RASGRF2: variants seen among roughly 807,000 people sequenced by gnomAD.
RASGRF2 encodes the protein Ras protein specific guanine nucleotide releasing factor 2.
RASGRF2 carries 76 observed loss-of-function variants against 151.0 expected under a neutral mutation model. That is an observed-to-expected ratio of 0.50 (90% CI 0.42 to 0.61). RASGRF2 has a LOEUF of 0.61. Among genes scored for constraint, RASGRF2 ranks in the 20% least tolerant of loss-of-function variants. The pLI, the probability that RASGRF2 is intolerant of heterozygous loss-of-function variation, is 0.00. For synonymous variants in RASGRF2, 504 were observed against 566.5 expected (o/e 0.89, Z 1.57); for missense variants, 1,148 against 1,564.6 (o/e 0.73, Z 4.49).
intron 2 of RASGRF2, among the ~76,000 whole-genome samples, chr5:81,063,809 G>A (rs1274185832): frequency 2.0e-5 from 3 of 151,696 alleles, no homozygotes; most frequent in Non-Finnish European, 2.9e-5. Context: ...TTCCAAGAAC[G>A]CTTTTTTAAA....
chr5:81,141,587 A>C (rs559347289), intron 17 of RASGRF2, among the ~76,000 whole-genome samples: 1 of 152,266 alleles, frequency 6.6e-6, no homozygotes, highest in East Asian at 1.9e-4. Context: ...AACTTCAAAA[A>C]CAGCAAGAGC....
intron 18 of RASGRF2, among the ~76,000 whole-genome samples, chr5:81,188,857 T>A (rs903607171): frequency 2.0e-5 from 3 of 152,170 alleles, no homozygotes; most frequent in Admixed American, 1.3e-4. Flanking sequence ...GAACCCCCAA[T>A]CTTGCAGCCT....
At chr5:81,166,162 T>C (rs1449599324) in intron 17 of RASGRF2, among the ~76,000 whole-genome samples, 1 of 152,064 alleles carries the variant, frequency 6.6e-6, no homozygotes, top group African/African-American at 2.4e-5. Flanking sequence ...AGTAAAGTGA[T>C]ACTTTACTTC....
chr5:81,182,965 C>T (rs529308281), intron 18 of RASGRF2, among the ~76,000 whole-genome samples: 136 of 152,328 alleles, frequency 8.9e-4, no homozygotes, highest in African/African-American at 3.2e-3. Flanking sequence ...TTGGTTTTCA[C>T]ATCATAAAGC....
chr5:81,034,611 A>G (rs1476569995), intron 1 of RASGRF2, among the ~76,000 whole-genome samples: 2 of 151,694 alleles, frequency 1.3e-5, no homozygotes, highest in African/African-American at 4.8e-5. Flanking sequence ...ATGGAATACT[A>G]TGCAGCCATA....
chr5:81,051,092 TC>T (rs1252195799), intron 2 of RASGRF2, among the ~76,000 whole-genome samples: 1 of 152,226 alleles, frequency 6.6e-6, no homozygotes, highest in Non-Finnish European at 1.5e-5. Context: ...TCATCTCATG[TC>T]CTTTTCCCAT....
intron 12 of RASGRF2, among the ~76,000 whole-genome samples, chr5:81,107,580 G>A (rs985241619): frequency 2.0e-5 from 3 of 152,076 alleles, no homozygotes; most frequent in Admixed American, 6.5e-5. Flanking sequence ...TCTGGCAAGC[G>A]CTCTCAACAT....
intron 26 of RASGRF2, among the ~76,000 whole-genome samples, chr5:81,222,791 T>A (rs1359802499): frequency 1.3e-5 from 2 of 151,836 alleles, no homozygotes; most frequent in Non-Finnish European, 2.9e-5. Flanking sequence ...CAGGAAAAAA[T>A]TCACCACGGC....
chr5:81,059,189 C>T (rs1751332455), intron 2 of RASGRF2, among the ~76,000 whole-genome samples: 1 of 151,488 alleles, frequency 6.6e-6, no homozygotes, highest in Non-Finnish European at 1.5e-5. Flanking sequence ...CCAGACCATC[C>T]TGGCTAACAC....
Position 81,073,194 on chromosome 5 carries a change from T to G in RASGRF2, c.634-5T>G. The G allele has an allele frequency of 1.2e-6, 2 of 1,608,650 alleles. No homozygotes were observed. Among genetic ancestry groups the G allele is most frequent in the Non-Finnish European group, 1.7e-6 (2 of 1,175,806 alleles). On this transcript the variant is annotated splice_polypyrimidine_tract_variant and splice_region_variant and intron_variant, in intron 4 of 26. Coordinates refer to ENST00000265080, the MANE Select transcript of RASGRF2 (RefSeq NM_006909.3). ...CAGATTCCTTTCTGATTTTTTGTTCTGTAGGTTCAGAGCTTCATGCGAGGA... is the reference window on the plus strand; with the variant it reads ...CAGATTCCTTTCTGATTTTTTGTTCGGTAGGTTCAGAGCTTCATGCGAGGA...
intron 23 of RASGRF2, among the ~76,000 whole-genome samples, chr5:81,214,412 T>G (rs1054850600): frequency 6.6e-6 from 1 of 152,204 alleles, no homozygotes; most frequent in Admixed American, 6.5e-5. Flanking sequence ...TCAGACACCT[T>G]TGATGACAAC....
At chr5:81,061,047 T>G (rs1561584960) in intron 2 of RASGRF2, among the ~76,000 whole-genome samples, 1 of 152,048 alleles carries the variant, frequency 6.6e-6, no homozygotes, top group Non-Finnish European at 1.5e-5. Flanking sequence ...CTCAATTTCT[T>G]GTTTTTTTTT....
intron 18 of RASGRF2, among the ~76,000 whole-genome samples, chr5:81,200,532 TGATGTA>T (rs1163287390): frequency 3.9e-5 from 6 of 152,198 alleles, no homozygotes; most frequent in Middle Eastern, 3.2e-3. Flanking sequence ...ATATCTATAT[TGATGTA>T]GATATAGATA....
chr5:81,113,028 G>C (rs1487884399), intron 14 of RASGRF2, among the ~76,000 whole-genome samples, 170 bp downstream of exon 14: 1 of 152,202 alleles, frequency 6.6e-6, no homozygotes, highest in Non-Finnish European at 1.5e-5. Context: ...AGGTCACACA[G>C]AGTTCCCCAG....
At chr5:81,065,392 C>T (rs1751571402) in intron 2 of RASGRF2, among the ~76,000 whole-genome samples, 1 of 152,134 alleles carries the variant, frequency 6.6e-6, no homozygotes, top group South Asian at 2.1e-4. Flanking sequence ...TCCCTTGTGT[C>T]CACGGTGAAT....
intron 17 of RASGRF2, among the ~76,000 whole-genome samples, chr5:81,167,325 AGCT>A (rs1754535438): frequency 6.6e-6 from 1 of 152,216 alleles, no homozygotes; most frequent in Non-Finnish European, 1.5e-5. Flanking sequence ...ACCAAGACGT[AGCT>A]ATTGTTTCTG....
intron 1 of RASGRF2, among the ~76,000 whole-genome samples, chr5:81,018,095 C>A (rs368945006): frequency 6.0e-5 from 9 of 150,038 alleles, no homozygotes; most frequent in African/African-American, 2.2e-4. Context: ...GATGACAGAG[C>A]GAGACTGTCT....
rs533763384 is a variant in RASGRF2 at position 81,111,752 on chromosome 5, A to G, written c.1839-858A>G. On this transcript the variant is annotated intron_variant, in intron 13 of 26. Coordinates refer to ENST00000265080, the MANE Select transcript of RASGRF2 (RefSeq NM_006909.3). ...ATAAAAAACAGTAGAAGGGGTAAAT[A>G]AAAAGAGCTGATTCTAGAGAGCAAA... is the stretch of plus-strand genomic sequence containing the variant. 2.0e-5 allele frequency among the ~76,000 whole-genome samples: 3 copies of G among 152,302 alleles called. No individual in the cohort carries two copies. In the South Asian group the frequency reaches 6.2e-4, roughly 32 times the overall value.
At chr5:81,082,137 A>T (rs954943541) in intron 7 of RASGRF2, among the ~76,000 whole-genome samples, 1 of 152,334 alleles carries the variant, frequency 6.6e-6, no homozygotes, top group African/African-American at 2.4e-5. Context: ...CGTGAAAGAC[A>T]CATGGGGCAT....
Sources: allele counts gnomAD v4.1 joint callset (sites outside exome capture counted in the v4.1 genomes callset), GRCh38; gene constraint gnomAD v4.1.1; transcripts MANE v1.5; gene names NCBI Gene and HGNC (gene_info 2026-07-23, HGNC 2026-07-21).